CNTN6: variants seen among roughly 807,000 people sequenced by gnomAD.
CNTN6 encodes contactin 6, also known as contactin-6.
CNTN6 carries 137 observed loss-of-function variants against 122.8 expected under a neutral mutation model. The observed-to-expected ratio is 1.12, with a 90% confidence interval of 0.97 to 1.29. The LOEUF (loss-of-function observed/expected upper bound fraction) is 1.29, where lower values mean the gene tolerates loss of function less well. Ranked by LOEUF, CNTN6 falls within the 50% of genes most tolerant of loss-of-function variation. The pLI is 0.00. For synonymous variants in CNTN6, 570 were observed against 426.0 expected, an observed-to-expected ratio of 1.34 and a Z score of -4.16; for missense variants, 1,634 against 1,223.4, an observed-to-expected ratio of 1.34 and a Z score of -5.01.
At chr3:1,140,137 T>C (rs149329596) in intron 1 of CNTN6, among the ~76,000 whole-genome samples, 2 of 152,362 alleles carry the variant, frequency 1.3e-5, no homozygotes, top group Admixed American at 1.3e-4. Flanking sequence ...TGAATAAGTA[T>C]TTCTTGTCAC....
intron 1 of CNTN6, among the ~76,000 whole-genome samples, chr3:1,125,540 G>T (rs899697376): frequency 1.3e-5 from 2 of 151,776 alleles, no homozygotes; most frequent in African/African-American, 4.8e-5. Flanking sequence ...TATTATGCAG[G>T]TTCAAACCAG....
At chr3:1,292,715 A>G (rs1286072534) in intron 5 of CNTN6, among the ~76,000 whole-genome samples, 1 of 152,152 alleles carries the variant, frequency 6.6e-6, no homozygotes. Context: ...AGCCTTTCTG[A>G]CACTCTTCTT....
At chr3:1,313,542 A>G (rs1288161132) in intron 7 of CNTN6, among the ~76,000 whole-genome samples, 2 of 152,028 alleles carry the variant, frequency 1.3e-5, no homozygotes, top group Admixed American at 6.6e-5. Flanking sequence ...AGTCTCAGAG[A>G]GGTTAGGTAA....
At chr3:1,400,071 G>T (rs550396501) in intron 20 of CNTN6, among the ~76,000 whole-genome samples, 1 of 152,196 alleles carries the variant, frequency 6.6e-6, no homozygotes, top group South Asian at 2.1e-4. Context: ...ACACACAGGA[G>T]ATTAAACAGC....
chr3:1,268,623 A>C (rs1294416108), intron 4 of CNTN6, among the ~76,000 whole-genome samples: 2 of 150,528 alleles, frequency 1.3e-5, no homozygotes, highest in African/African-American at 4.9e-5. Flanking sequence ...AAAAAAAAAA[A>C]ATACAGTGTG....
intron 2 of CNTN6, among the ~76,000 whole-genome samples, chr3:1,156,937 G>A (rs916474987): frequency 1.3e-5 from 2 of 151,368 alleles, no homozygotes; most frequent in African/African-American, 4.8e-5. Flanking sequence ...GGCTGGTCTT[G>A]ACTTCTTGGC....
At chr3:1,267,623 A>G (rs1463643052) in intron 4 of CNTN6, among the ~76,000 whole-genome samples, 1 of 152,220 alleles carries the variant, frequency 6.6e-6, no homozygotes, top group Non-Finnish European at 1.5e-5. Flanking sequence ...ATATCCAAGT[A>G]GGAAGTAAGA....
intron 12 of CNTN6, among the ~76,000 whole-genome samples, chr3:1,357,480 C>T (rs79728209): frequency 0.045 from 6,782 of 151,922 alleles, 517 homozygotes; most frequent in African/African-American, 0.15. Flanking sequence ...CATCTCATTT[C>T]AACTTTCAGA....
At chr3:1,229,458 T>C (rs2094326466) in intron 4 of CNTN6, among the ~76,000 whole-genome samples, 1 of 152,154 alleles carries the variant, frequency 6.6e-6, no homozygotes, top group South Asian at 2.1e-4. Flanking sequence ...TTATTTGCTA[T>C]ACCCTCGAGT....
chr3:1,103,222 C>G (rs1325680256), intron 1 of CNTN6, among the ~76,000 whole-genome samples: 6 of 152,194 alleles, frequency 3.9e-5, no homozygotes, highest in Non-Finnish European at 7.3e-5. Flanking sequence ...AAGGTGTTTT[C>G]TAGGCATTTA....
chr3:1,352,318 T>C lies in CNTN6; in HGVS notation c.1365-6T>C. 6.6e-7 allele frequency: 1 copy of C among 1,506,506 alleles called. No individual in the cohort carries two copies. Among genetic ancestry groups the C allele is most frequent in the Admixed American group, 2.1e-5 (1 of 47,038 alleles). 93.3% of individuals were successfully genotyped at this position (1,506,506 alleles called of 1,614,324 possible). A position where few individuals can be genotyped will look rare whatever the true frequency, so the allele number is the denominator to read the frequency against. On this transcript the variant is annotated splice_polypyrimidine_tract_variant and splice_region_variant and intron_variant, in intron 11 of 22. Coordinates refer to ENST00000446702, the MANE Select transcript of CNTN6 (RefSeq NM_001289080.2). ...TACTTCTATTAATGATGTATTTTCT[T>C]TTTAGAATATTTCTCTTGGAGGATG...
intron 1 of CNTN6, among the ~76,000 whole-genome samples, chr3:1,137,629 A>G (rs183342121): frequency 6.6e-6 from 1 of 152,126 alleles, no homozygotes; most frequent in Non-Finnish European, 1.5e-5. Flanking sequence ...CATCTCATGG[A>G]AAAAAACATT....
At chr3:1,265,207 T>C in intron 4 of CNTN6, among the ~76,000 whole-genome samples, 1 of 152,142 alleles carries the variant, frequency 6.6e-6, no homozygotes, top group East Asian at 1.9e-4. Flanking sequence ...TTCAATTTCT[T>C]TGGATATATA....
At chr3:1,102,413 C>G (rs916644524) in intron 1 of CNTN6, among the ~76,000 whole-genome samples, 2 of 152,206 alleles carry the variant, frequency 1.3e-5, no homozygotes, top group African/African-American at 4.8e-5. Context: ...CGCTAATTTT[C>G]TATCAACAGA....
intron 7 of CNTN6, among the ~76,000 whole-genome samples, chr3:1,316,470 A>G (rs917861244): frequency 1.3e-5 from 2 of 151,918 alleles, no homozygotes; most frequent in Non-Finnish European, 1.5e-5. Flanking sequence ...ACTCACTATC[A>G]TGAGAACAGC....
intron 2 of CNTN6, among the ~76,000 whole-genome samples, chr3:1,174,428 G>A (rs531987568): frequency 1.8e-4 from 28 of 152,178 alleles, no homozygotes; most frequent in Non-Finnish European, 3.2e-4. Flanking sequence ...AAACTCAAAC[G>A]GAAATTTTTT....
At chr3:1,259,250 C>G (rs948271978) in intron 4 of CNTN6, among the ~76,000 whole-genome samples, 1 of 152,040 alleles carries the variant, frequency 6.6e-6, no homozygotes, top group Non-Finnish European at 1.5e-5. Flanking sequence ...AGATAAATAA[C>G]TGAAGAAGAC....
chr3:1,267,886 G>GA (rs371223803), intron 4 of CNTN6, among the ~76,000 whole-genome samples: 5,495 of 146,016 alleles, frequency 0.038, 154 homozygotes, highest in African/African-American at 0.08. Context: ...ATTTCTTTCT[G>GA]AAAAAAAAAA....
At chr3:1,381,380 G>A (rs1176123993) in intron 17 of CNTN6, among the ~76,000 whole-genome samples, 2 of 152,118 alleles carry the variant, frequency 1.3e-5, no homozygotes, top group Non-Finnish European at 2.9e-5. Flanking sequence ...TTCACTTTCT[G>A]TATTTGTTAG....
Sources: allele counts gnomAD v4.1 joint callset (sites outside exome capture counted in the v4.1 genomes callset), GRCh38; gene constraint gnomAD v4.1.1; transcripts MANE v1.5; gene names NCBI Gene and HGNC (gene_info 2026-07-23, HGNC 2026-07-21).